Variants in RUVBL2 observed in about 807,000 individuals in gnomAD.
The protein encoded by RUVBL2 is RuvB like AAA ATPase 2, also known as ruvB-like 2.
A neutral mutation model predicts 57.9 loss-of-function variants in RUVBL2; 9 were observed. The observed-to-expected ratio is 0.16, with a 90% CI of 0.09 to 0.27. The LOEUF (loss-of-function observed/expected upper bound fraction) is 0.27, where lower values mean the gene tolerates loss of function less well. Among genes scored for constraint, RUVBL2 ranks in the 10% least tolerant of loss-of-function variants. RUVBL2 has a pLI of 1.00. For missense variants in RUVBL2, 456 were observed against 669.6 expected (o/e 0.68, Z 3.52); for synonymous variants, 278 against 264.6 (o/e 1.05, Z -0.49).
chr19:48,993,772 C>A (rs1283350550), upstream of RUVBL2: 3 of 1,156,788 alleles, frequency 2.6e-6, no homozygotes, highest in South Asian at 1.3e-5. Context: ...GGCATAAAGT[C>A]CCGCCACGCC....
At position 49,010,552 on chromosome 19, in the gene RUVBL2, C is replaced by A. The variant is rs776254813; in HGVS notation, c.728C>A (p.Ser243Tyr). 6.2e-7 allele frequency: 1 copy of A among 1,605,908 alleles called. No homozygotes were observed. The highest frequency in any genetic ancestry group is 8.5e-7 in the Non-Finnish European group (1 of 1,175,204). Residue 243 changes from serine (S) to tyrosine (Y), a missense_variant, in exon 9 of 15, where the codon TCC becomes TAC. By Grantham distance (144) the Ser-to-Tyr change is moderately radical. Coordinates refer to ENST00000595090, the MANE Select transcript of RUVBL2 (RefSeq NM_006666.3). ...CGCAAGGAGGTGGTGCACACCGTGTCCCTGCACGAGATCGACGTCATCAAC... is the reference window on the plus strand; with the variant it reads ...CGCAAGGAGGTGGTGCACACCGTGTACCTGCACGAGATCGACGTCATCAAC... ...QKRKEVVHTV[S>Y]LHEIDVINSR...
At position 49,004,336 on chromosome 19, in the gene RUVBL2, G is replaced by A; in HGVS notation, c.183G>A (p.Glu61=). 1 of 1,612,492 alleles carries A rather than the reference G, an allele frequency of 6.2e-7. No homozygotes were observed. Among genetic ancestry groups the A allele is most frequent in the South Asian group, 1.1e-5 (1 of 91,064 alleles). ...GGCGGGCGGCTGGCGTGGTGCTGGA[G>A]ATGATCCGGGAAGGGAAGATTGCCG... ...AARRAAGVVL[E]MIREGKIAGR... The change falls in exon 4 of 15, where the codon GAG becomes GAA. Residue 61 remains glutamate (E), a synonymous_variant. Transcript: ENST00000595090.
chr19:49,015,301 C>A, intron 13 of RUVBL2, 151 bp downstream of exon 13: 1 of 1,084,944 alleles, frequency 9.2e-7, no homozygotes, highest in Non-Finnish European at 1.3e-6. Flanking sequence ...TATCATCCAG[C>A]CTGGCCTATA....
intron 8 of RUVBL2, chr19:49,010,287 G>A (rs1439237138): frequency 5.9e-6 from 4 of 682,776 alleles, no homozygotes; most frequent in Non-Finnish European, 9.8e-6. Context: ...AGGTCCTCCG[G>A]GAGCCCCCGT....
intron 12 of RUVBL2, 23 bp downstream of exon 12, chr19:49,014,626 C>A: frequency 6.2e-7 from 1 of 1,613,002 alleles, no homozygotes; most frequent in Non-Finnish European, 8.5e-7. Context: ...CCAGGCCGTG[C>A]GCCTGAGACG....
Position 49,011,112 on chromosome 19 carries a change from G to C in RUVBL2, c.882+19G>C. The C allele has an allele frequency of 6.3e-7, 1 of 1,597,788 alleles. No homozygotes were observed. Among genetic ancestry groups the C allele is most frequent in the Non-Finnish European group, 8.6e-7 (1 of 1,167,380 alleles). On this transcript the variant is annotated intron_variant, in intron 10 of 14. Transcript: ENST00000595090. The surrounding 1 kb of genome is among the most constrained non-coding windows in gnomAD (Gnocchi z 4.4). Reference sequence around the variant, plus strand: ...CCCTGGAGTGAGGACCCAGGACATGGCCGGGGCGGGTGGTGGGGTGGAGGT... The same window carrying C: ...CCCTGGAGTGAGGACCCAGGACATGCCCGGGGCGGGTGGTGGGGTGGAGGT...
In RUVBL2 at chr19:49,011,395, A is replaced by C; in HGVS notation, c.1001+85A>C. On this transcript the variant is annotated intron_variant, in intron 11 of 14. Coordinates refer to ENST00000595090, the MANE Select transcript of RUVBL2 (RefSeq NM_006666.3). This position sits in a 1 kb window ranked among gnomAD's most constrained non-coding sequence, Gnocchi z 4.4. Reference sequence around the variant, plus strand: ...AGAGGGTCAATGGGAGCCTGTGTTGACACCGGGTCAGGGAGGGACGCGTGA... The same window carrying C: ...AGAGGGTCAATGGGAGCCTGTGTTGCCACCGGGTCAGGGAGGGACGCGTGA... The C allele has an allele frequency of 1.8e-6, 2 of 1,112,574 alleles. No homozygotes were observed. The highest frequency in any genetic ancestry group is 4.7e-5 in the East Asian group (2 of 42,374). 68.9% of individuals were successfully genotyped at this position (1,112,574 alleles called of 1,614,324 possible).
chr19:49,010,483 C>CCCCCAACA lies in RUVBL2; in HGVS notation c.664-5_664-4insCCCCAACA. 6.3e-7 allele frequency: 1 copy of CCCCCAACA among 1,575,996 alleles called. No individual in the cohort carries two copies. The highest frequency in any genetic ancestry group is 8.7e-7 in the Non-Finnish European group (1 of 1,148,122). On this transcript the variant is annotated splice_polypyrimidine_tract_variant and splice_region_variant and intron_variant, in intron 8 of 14. Transcript: ENST00000595090. ...CGCCGTTCTTCCCCCACCCCCGCCC[C>CCCCCAACA]ATAGACCAAGTTCGTGCAGTGCCCA...
rs58302006 is a variant in RUVBL2 at position 49,012,843 on chromosome 19, CCACACACACACACACACACACA to C, written c.1001+1553_1001+1574del. On this transcript the variant is annotated intron_variant, in intron 11 of 14. Transcript: ENST00000595090. ...TGGCACACTGCAGCCTCAGTGCCCA[CCACACACACACACACACACACA>C]CACACACACACACACACACCACCCC... Among the ~76,000 whole-genome samples the C allele has an allele frequency of 1.3e-4, 19 of 141,908 alleles. No individual in the cohort carries two copies. In the South Asian group the frequency reaches 1.4e-3, roughly 10 times the overall value. 93.1% of individuals were successfully genotyped at this position (141,908 alleles called of 152,430 possible).
rs1408805237 is a variant in RUVBL2 at position 49,011,117 on chromosome 19, G to A, written c.882+24G>A. ...GAGTGAGGACCCAGGACATGGCCGGGGCGGGTGGTGGGGTGGAGGTGGGCC... is the reference window on the plus strand; with the variant it reads ...GAGTGAGGACCCAGGACATGGCCGGAGCGGGTGGTGGGGTGGAGGTGGGCC... On this transcript the variant is annotated intron_variant, in intron 10 of 14. Coordinates refer to ENST00000595090, the MANE Select transcript of RUVBL2 (RefSeq NM_006666.3). The surrounding 1 kb of genome is among the most constrained non-coding windows in gnomAD (Gnocchi z 4.4). 2.5e-5 allele frequency: 40 copies of A among 1,608,838 alleles called. No individual in the cohort carries two copies. Among genetic ancestry groups the A allele is most frequent in the Non-Finnish European group, 3.4e-5 (40 of 1,177,746 alleles).
chr19:49,011,325 G>A lies in RUVBL2; in HGVS notation c.1001+15G>A, dbSNP rs1568641357. The A allele has an allele frequency of 2.5e-6, 4 of 1,599,288 alleles. No homozygotes were observed. Among genetic ancestry groups the A allele is most frequent in the Admixed American group, 1.7e-5 (1 of 59,982 alleles). Reference sequence around the variant, plus strand: ...GGCATCACGCGGTGAGCCGGCTACAGGGGCCTCTGGGGAAAACAGGATGCT... The same window carrying A: ...GGCATCACGCGGTGAGCCGGCTACAAGGGCCTCTGGGGAAAACAGGATGCT... On this transcript the variant is annotated intron_variant, in intron 11 of 14. Transcript: ENST00000595090. This position sits in a 1 kb window ranked among gnomAD's most constrained non-coding sequence, Gnocchi z 4.4.
intron 2 of RUVBL2, 80 bp from the exon 3 acceptor site, chr19:49,003,199 A>G: frequency 2.6e-6 from 2 of 767,426 alleles, no homozygotes; most frequent in East Asian, 4.0e-5. Context: ...ACAAAGAAGG[A>G]AACCAGGGCT....
chr19:49,005,507 A>G (rs1391398249), intron 4 of RUVBL2, among the ~76,000 whole-genome samples: 2 of 152,082 alleles, frequency 1.3e-5, no homozygotes, highest in Admixed American at 1.3e-4. Context: ...AGAGAAGCGG[A>G]TACCTGAGCT....
At chr19:49,010,750 T>C in intron 9 of RUVBL2, 139 bp downstream of exon 9, 1 of 1,291,554 alleles carries the variant, frequency 7.7e-7, no homozygotes, top group Non-Finnish European at 1.1e-6. Flanking sequence ...TGGCTGCCTC[T>C]GTTCTCCACC....
At chr19:48,993,952 G>A (rs1254921846) in intron 1 of RUVBL2, 29 bp downstream of exon 1, 1 of 1,613,810 alleles carries the variant, frequency 6.2e-7, no homozygotes, top group Non-Finnish European at 8.5e-7. Flanking sequence ...AGGGTGAGGA[G>A]CGAGCTAGCA....
At chr19:49,007,243 G>T (rs2039300077) in intron 5 of RUVBL2, 59 bp from the exon 6 acceptor site, 2 of 1,607,878 alleles carry the variant, frequency 1.2e-6, no homozygotes, top group South Asian at 1.1e-5. Context: ...CTCATGGAAG[G>T]TTGTGATTCC....
chr19:49,012,534 G>T (rs2039448943), intron 11 of RUVBL2, among the ~76,000 whole-genome samples: 1 of 152,206 alleles, frequency 6.6e-6, no homozygotes, highest in African/African-American at 2.4e-5. Context: ...AGCAGCTACG[G>T]GCAGCCCTGA....
At chr19:49,000,050 G>C (rs2039148336) in intron 2 of RUVBL2, among the ~76,000 whole-genome samples, 1 of 152,220 alleles carries the variant, frequency 6.6e-6, no homozygotes, top group Non-Finnish European at 1.5e-5. Flanking sequence ...TGGCTGTGAA[G>C]ATGGGTTTTA....
At chr19:49,013,696 C>T (rs1459668587) in intron 11 of RUVBL2, among the ~76,000 whole-genome samples, 6 of 152,264 alleles carry the variant, frequency 3.9e-5, no homozygotes, top group Middle Eastern at 3.4e-3. Flanking sequence ...GGGTGGATCA[C>T]GAGGTCAAGA....
Sources: allele counts gnomAD v4.1 joint callset (sites outside exome capture counted in the v4.1 genomes callset), GRCh38; gene constraint gnomAD v4.1.1; non-coding constraint Gnocchi (gnomAD v3.1); transcripts MANE v1.5; gene names NCBI Gene and HGNC (gene_info 2026-07-23, HGNC 2026-07-21).